The following LRRIQ3 variants were observed in gnomAD, a reference collection of about 807,000 sequenced individuals.
The protein encoded by LRRIQ3 is leucine-rich repeat and IQ domain-containing protein 3.
Under a neutral mutation model 59.3 loss-of-function variants are expected in LRRIQ3, and 75 were observed. The observed-to-expected ratio is 1.26, with a 90% CI of 1.05 to 1.53. The LOEUF (loss-of-function observed/expected upper bound fraction) is 1.53, where lower values mean the gene tolerates loss of function less well. LRRIQ3 is among the 40% of genes most tolerant of loss of function. The pLI, the probability that LRRIQ3 is intolerant of heterozygous loss-of-function variation, is 0.00. For synonymous variants in LRRIQ3, 250 were observed against 231.3 expected (o/e 1.08, Z -0.73); for missense variants, 831 against 710.0 (o/e 1.17, Z -1.94).
At position 74,041,234 on chromosome 1, in the gene LRRIQ3, A is replaced by T. The variant is rs1456597023; in HGVS notation, c.1697T>A (p.Leu566His). The change falls in exon 7 of 8, where the codon CTT (leucine) becomes CAT (histidine). Residue 566 changes from leucine (L) to histidine (H), a missense_variant. Transcript: ENST00000354431. ...LKAEKYRKNLLKEMKKVRSQE... is the reference protein window; with the variant it reads ...LKAEKYRKNLHKEMKKVRSQE... ...CTACCTAACTTTTTTCATTTCTTTA[A>T]GTAAATTCTTTCTATATTTTTCTGC... 1.3e-6 allele frequency: 2 copies of T among 1,582,398 alleles called. No individual in the cohort carries two copies. Among genetic ancestry groups the T allele is most frequent in the Admixed American group, 3.7e-5 (2 of 53,518 alleles).
chr1:74,198,150 C>A lies in LRRIQ3; in HGVS notation c.-155G>T. On this transcript the variant is annotated 5_prime_UTR_variant, in exon 1 of 8. Transcript: ENST00000354431. Reference sequence around the variant, plus strand: ...CTCCACATCATGGTTTTCCGGGCGCCAGCCAAGGCGCTCCGGGGGCGTGGT... The same window carrying A: ...CTCCACATCATGGTTTTCCGGGCGCAAGCCAAGGCGCTCCGGGGGCGTGGT... 6.7e-7 allele frequency: 1 copy of A among 1,497,552 alleles called. No homozygotes were observed. The highest frequency in any genetic ancestry group is 1.3e-5 in the South Asian group (1 of 75,958). The allele number at this position is 1,497,552 out of a possible 1,614,324, so 92.8% of individuals were successfully genotyped here.
intron 5 of LRRIQ3, among the ~76,000 whole-genome samples, chr1:74,091,226 C>A (rs971732791): frequency 6.6e-6 from 1 of 152,140 alleles, no homozygotes; most frequent in Non-Finnish European, 1.5e-5. Context: ...TAAAATGATA[C>A]CTGAATAATC....
intron 3 of LRRIQ3, among the ~76,000 whole-genome samples, chr1:74,175,173 G>C (rs1649564049): frequency 6.6e-6 from 1 of 152,136 alleles, no homozygotes; most frequent in Admixed American, 6.5e-5. Flanking sequence ...AGGCCGATGG[G>C]GTCCAAGGTC....
intron 4 of LRRIQ3, among the ~76,000 whole-genome samples, chr1:74,131,360 C>A (rs561209813): frequency 6.6e-6 from 1 of 152,134 alleles, no homozygotes; most frequent in African/African-American, 2.4e-5. Context: ...AGGGAATCCT[C>A]CCTAACTCAT....
intron 5 of LRRIQ3, among the ~76,000 whole-genome samples, chr1:74,089,566 A>T (rs1039768456): frequency 6.6e-6 from 1 of 152,222 alleles, no homozygotes. Flanking sequence ...TGAAAACATT[A>T]TACTAAGTGG....
chr1:74,171,078 A>G (rs977837305), intron 3 of LRRIQ3, among the ~76,000 whole-genome samples: 3 of 152,150 alleles, frequency 2.0e-5, no homozygotes, highest in Non-Finnish European at 4.4e-5. Context: ...TTTTCAACAT[A>G]TAAGACCATG....
At chr1:74,074,474 A>G (rs1263107897) in intron 6 of LRRIQ3, among the ~76,000 whole-genome samples, 187 bp downstream of exon 6, 1 of 152,100 alleles carries the variant, frequency 6.6e-6, no homozygotes, top group Non-Finnish European at 1.5e-5. Context: ...TACACGGATT[A>G]CATGTACTTT....
chr1:74,087,622 T>C (rs1401725694), intron 5 of LRRIQ3, among the ~76,000 whole-genome samples: 4 of 152,038 alleles, frequency 2.6e-5, no homozygotes, highest in East Asian at 1.9e-4. Context: ...TAATCTTTAG[T>C]ACTTATGTAA....
At chr1:74,043,309 G>C (rs1336277685) in intron 6 of LRRIQ3, among the ~76,000 whole-genome samples, 1 of 152,000 alleles carries the variant, frequency 6.6e-6, no homozygotes, top group African/African-American at 2.4e-5. Flanking sequence ...TTGTCTTTAT[G>C]TGTAAAAATG....
In LRRIQ3 at chr1:74,026,825, T is replaced by C; in HGVS notation, c.1863A>G (p.Gly621=). 1 of 1,605,472 alleles carries C rather than the reference T, an allele frequency of 6.2e-7. No individual in the cohort carries two copies. The highest frequency in any genetic ancestry group is 8.5e-7 in the Non-Finnish European group (1 of 1,176,672). Residue 621 remains glycine, a synonymous_variant, in exon 8 of 8, where the codon GGA becomes GGG. Transcript: ENST00000354431. Reference sequence around the variant, plus strand: ...ATCTGGCATTGATTCATTTTATCAGTCCATTGGGAACTTTAAAGTCTAAAT... The same window carrying C: ...ATCTGGCATTGATTCATTTTATCAGCCCATTGGGAACTTTAAAGTCTAAAT... ...KTNLDFKVPN[G]LIK
At chr1:74,062,247 A>G (rs566480433) in intron 6 of LRRIQ3, among the ~76,000 whole-genome samples, 1 of 152,280 alleles carries the variant, frequency 6.6e-6, no homozygotes, top group African/African-American at 2.4e-5. Flanking sequence ...GGCAAAAGAC[A>G]TGAAAAGACA....
At chr1:74,075,469 A>AG (rs1017417483) in intron 5 of LRRIQ3, among the ~76,000 whole-genome samples, 43 of 152,202 alleles carry the variant, frequency 2.8e-4, no homozygotes, top group African/African-American at 1.0e-3. Flanking sequence ...CAGGAGGCCA[A>AG]GGCAGGAGGA....
intron 4 of LRRIQ3, among the ~76,000 whole-genome samples, chr1:74,121,005 C>A (rs1646846980): frequency 6.6e-6 from 1 of 152,026 alleles, no homozygotes; most frequent in South Asian, 2.1e-4. Flanking sequence ...ATTTTTATTA[C>A]CCTGTCATGT....
chr1:74,186,250 T>C (rs546853891), intron 1 of LRRIQ3, among the ~76,000 whole-genome samples: 2 of 152,140 alleles, frequency 1.3e-5, no homozygotes, highest in African/African-American at 2.4e-5. Flanking sequence ...TAGTAATGTC[T>C]ATAGATTCAT....
At chr1:74,162,694 AT>A (rs1648732571) in intron 3 of LRRIQ3, among the ~76,000 whole-genome samples, 1 of 151,892 alleles carries the variant, frequency 6.6e-6, no homozygotes, top group Admixed American at 6.6e-5. Flanking sequence ...TACTTATATA[AT>A]TTTTATCTTC....
chr1:74,195,757 G>A (rs1651074200), intron 1 of LRRIQ3, among the ~76,000 whole-genome samples: 4 of 152,066 alleles, frequency 2.6e-5, no homozygotes, highest in African/African-American at 7.2e-5. Context: ...GAATTAATGG[G>A]CTTACAGCTT....
At chr1:74,109,350 C>G in intron 5 of LRRIQ3, 44 bp downstream of exon 5, 1 of 1,293,392 alleles carries the variant, frequency 7.7e-7, no homozygotes, top group Non-Finnish European at 1.1e-6. Context: ...ACTTTAATAT[C>G]TTAAATACAT....
At chr1:74,044,565 A>G (rs956310295) in intron 6 of LRRIQ3, among the ~76,000 whole-genome samples, 4 of 152,032 alleles carry the variant, frequency 2.6e-5, no homozygotes, top group African/African-American at 9.7e-5. Flanking sequence ...ACTAGAGAAG[A>G]AAGAGCAAAC....
chr1:74,117,524 C>T (rs977993398), intron 4 of LRRIQ3, among the ~76,000 whole-genome samples: 1 of 152,048 alleles, frequency 6.6e-6, no homozygotes, highest in African/African-American at 2.4e-5. Context: ...CCAGAACTTT[C>T]GGAGGCCGAG....
Sources: gnomAD v4.1 joint callset for allele counts (sites outside exome capture counted in the v4.1 genomes callset) on GRCh38, gnomAD v4.1.1 for gene constraint, MANE v1.5 for transcripts, NCBI Gene and HGNC (gene_info 2026-07-23, HGNC 2026-07-21) for gene names.